The following CXXC4 variants were observed in gnomAD, a reference collection of about 807,000 sequenced individuals.
CXXC4 encodes the protein CXXC finger protein 4.
A neutral mutation model predicts 20.5 loss-of-function variants in CXXC4; 5 were observed. That is an observed-to-expected ratio of 0.24 (90% CI 0.13 to 0.51). CXXC4 has a LOEUF of 0.51. Among genes scored for constraint, CXXC4 ranks in the 20% least tolerant of loss-of-function variants. The pLI is 0.97. For missense variants in CXXC4, 419 were observed against 496.4 expected (o/e 0.84, Z 1.48); for synonymous variants, 250 against 216.4 (o/e 1.16, Z -1.36).
In CXXC4 at chr4:104,471,922, T is replaced by C. The variant is rs1245062914; in HGVS notation, c.*400A>G. On this transcript the variant is annotated 3_prime_UTR_variant, in exon 3 of 3. Transcript: ENST00000394767. The stretch of plus-strand genomic sequence containing the variant: ...TAAACACACAAAATACAAGCTGCTA[T>C]CTGTACAGTTTACAGTACTGAAACA... 6.5e-6 allele frequency: 1 copy of C among 154,910 alleles called. No homozygotes were observed. The highest frequency in any genetic ancestry group is 2.4e-5 in the African/African-American group (1 of 41,552). 9.6% of individuals were successfully genotyped at this position (154,910 alleles called of 1,614,324 possible).
At chr4:104,484,654 G>A (rs542399919) in intron 2 of CXXC4, among the ~76,000 whole-genome samples, 13 of 152,088 alleles carry the variant, frequency 8.5e-5, no homozygotes, top group African/African-American at 3.1e-4. Context: ...TTAAGAGAAA[G>A]CCCAGAAGTT....
chr4:104,476,321 C>T (rs1468740473), intron 2 of CXXC4, among the ~76,000 whole-genome samples: 1 of 152,100 alleles, frequency 6.6e-6, no homozygotes, highest in Admixed American at 6.5e-5. Flanking sequence ...CTTCTCATAC[C>T]TGCGAAGCAG....
At position 104,491,502 on chromosome 4, in the gene CXXC4, TGGCGGC is replaced by T. The variant is rs949353670; in HGVS notation, c.295_300del (p.Ala99_Ala100del). ...CCGCCGCTGCCCCAGAGCATGGCGG[TGGCGGC>T]GGCGGCGGTGGCCGCGTTGTCGCAG... On this transcript the variant is annotated inframe_deletion, in exon 2 of 3. Coordinates refer to ENST00000394767, the MANE Select transcript of CXXC4 (RefSeq NM_025212.4). 28 of 818,280 alleles carry T rather than the reference TGGCGGC, an allele frequency of 3.4e-5. No individual in the cohort carries two copies. Among genetic ancestry groups the T allele is most frequent in the African/African-American group, 3.3e-4 (17 of 50,976 alleles). The allele number at this position is 818,280 out of a possible 1,614,324, so 50.7% of individuals were successfully genotyped here.
At position 104,472,349 on chromosome 4, in the gene CXXC4, G is replaced by A. The variant is rs753440112; in HGVS notation, c.1077C>T (p.Ser359=). 1.7e-5 allele frequency: 27 copies of A among 1,604,104 alleles called. No homozygotes were observed. In the East Asian group the frequency reaches 1.8e-4, roughly 11 times the overall value. Residue 359 remains serine (S), a synonymous_variant, in exon 3 of 3, where the codon AGC becomes AGT. Coordinates refer to ENST00000394767, the MANE Select transcript of CXXC4 (RefSeq NM_025212.4). ...GTSLERTPVP[S]AEAFRWFF ...AAAAGAACCATCGGAATGCTTCAGC[G>A]CTGGGAACAGGTGTTCTCTATAAAA...
chr4:104,486,159 C>T (rs552539927), intron 2 of CXXC4, among the ~76,000 whole-genome samples: 2 of 152,132 alleles, frequency 1.3e-5, no homozygotes, highest in South Asian at 4.1e-4. Context: ...TTAGAATTTA[C>T]ATGATGGTTG....
At chr4:104,485,961 C>A (rs1013948047) in intron 2 of CXXC4, among the ~76,000 whole-genome samples, 1 of 152,012 alleles carries the variant, frequency 6.6e-6, no homozygotes, top group East Asian at 1.9e-4. Flanking sequence ...ACTTTTATTT[C>A]TTTCATCACT....
Position 104,470,337 on chromosome 4 carries a change from T to C in CXXC4, c.*1985A>G, listed in dbSNP as rs1356561856. 1.3e-5 allele frequency: 2 copies of C among 152,036 alleles called. No individual in the cohort carries two copies. The highest frequency in any genetic ancestry group is 2.9e-5 in the Non-Finnish European group (2 of 67,982). The allele number at this position is 152,036 out of a possible 1,614,324, so 9.4% of individuals were successfully genotyped here. A position where few individuals can be genotyped will look rare whatever the true frequency, so the allele number is the denominator to read the frequency against. ...ATCATTTAATTCTCATCTCTAAATA[T>C]GGATGGGTGTAACACATCATGAGTT... On this transcript the variant is annotated 3_prime_UTR_variant, in exon 3 of 3. Transcript: ENST00000394767.
In CXXC4 at chr4:104,471,610, C is replaced by A. The variant is rs976013136; in HGVS notation, c.*712G>T. ...GCATAACCACTACTCTAATATAGTG[C>A]TCAAAAGATTAATTGAAACTTTCAT... On this transcript the variant is annotated 3_prime_UTR_variant, in exon 3 of 3. Coordinates refer to ENST00000394767, the MANE Select transcript of CXXC4 (RefSeq NM_025212.4). 1 of 152,010 alleles carries A rather than the reference C, an allele frequency of 6.6e-6. No homozygotes were observed. Among genetic ancestry groups the A allele is most frequent in the Admixed American group, 6.6e-5 (1 of 15,214 alleles). 9.4% of individuals were successfully genotyped at this position (152,010 alleles called of 1,614,324 possible).
At position 104,486,759 on chromosome 4, in the gene CXXC4, T is replaced by C. The variant is rs78207185; in HGVS notation, c.1059+3985A>G. ...CCTCAGAAATGTATATGTTCAATTA[T>C]TGAATTATTTTATTAACTAAAAGCT... On this transcript the variant is annotated intron_variant, in intron 2 of 2. Transcript: ENST00000394767. Among the ~76,000 whole-genome samples, 56 of 152,294 alleles carry C rather than the reference T, an allele frequency of 3.7e-4. No homozygotes were observed. The East Asian group carries it at 8.5e-3, about 23-fold the overall frequency.
chr4:104,481,515 A>G (rs1736557240), intron 2 of CXXC4, among the ~76,000 whole-genome samples: 1 of 152,020 alleles, frequency 6.6e-6, no homozygotes, highest in Non-Finnish European at 1.5e-5. Flanking sequence ...ACTGGCCAAC[A>G]GACCAAGACC....
chr4:104,479,420 T>A lies in CXXC4; in HGVS notation c.1060-7054A>T, dbSNP rs538263785. On this transcript the variant is annotated intron_variant, in intron 2 of 2. Transcript: ENST00000394767. ...TTATAGTTCTGAGATCTGATAAATA[T>A]TTATTTCTTAATTACATAAAAGTGA... 1.5e-4 allele frequency among the ~76,000 whole-genome samples: 23 copies of A among 152,250 alleles called. No homozygotes were observed. In the South Asian group the frequency reaches 4.1e-3, roughly 27 times the overall value.
At chr4:104,489,549 T>A (rs1459333359) in intron 2 of CXXC4, among the ~76,000 whole-genome samples, 5 of 152,214 alleles carry the variant, frequency 3.3e-5, no homozygotes, top group Non-Finnish European at 7.4e-5. Flanking sequence ...AATATTAAAA[T>A]GTTAAAGCAC....
rs1198630690 is a variant in CXXC4, at chr4:104,471,233, T to G, written c.*1089A>C. ...GGCAGAAGCCCTCAACATATTCAAG[T>G]GTTAAAACTACCCATTTAATATCAT... On this transcript the variant is annotated 3_prime_UTR_variant, in exon 3 of 3. Transcript: ENST00000394767. The G allele has an allele frequency of 6.6e-6, 1 of 152,050 alleles. No homozygotes were observed. Among genetic ancestry groups the G allele is most frequent in the Non-Finnish European group, 1.5e-5 (1 of 67,980 alleles). 9.4% of individuals were successfully genotyped at this position (152,050 alleles called of 1,614,324 possible). A position where few individuals can be genotyped will look rare whatever the true frequency, so the allele number is the denominator to read the frequency against.
At position 104,469,609 on chromosome 4, in the gene CXXC4, T is replaced by G. The variant is rs1301682801; in HGVS notation, c.*2713A>C. 3 of 151,984 alleles carry G rather than the reference T, an allele frequency of 2.0e-5. No individual in the cohort carries two copies. The highest frequency in any genetic ancestry group is 2.9e-5 in the Non-Finnish European group (2 of 67,966). 9.4% of individuals were successfully genotyped at this position (151,984 alleles called of 1,614,324 possible). A position where few individuals can be genotyped will look rare whatever the true frequency, so the allele number is the denominator to read the frequency against. On this transcript the variant is annotated 3_prime_UTR_variant, in exon 3 of 3. Transcript: ENST00000394767. ...GGTTTATAATGATAAGCTTTAGAAG[T>G]TCTCAGTACAGGGACATATGAGGAA...
chr4:104,485,301 T>C (rs552999149), intron 2 of CXXC4, among the ~76,000 whole-genome samples: 1 of 152,222 alleles, frequency 6.6e-6, no homozygotes, highest in South Asian at 2.1e-4. Flanking sequence ...CTCCAATTTG[T>C]ATATTTACAT....
intron 2 of CXXC4, among the ~76,000 whole-genome samples, chr4:104,477,029 G>A (rs1736427147): frequency 6.6e-6 from 1 of 152,086 alleles, no homozygotes; most frequent in African/African-American, 2.4e-5. Flanking sequence ...AGACTCCTCG[G>A]CATCTAAGGC....
Position 104,491,635 on chromosome 4 carries a change from G to T in CXXC4, c.168C>A (p.Ala56=). 6.5e-7 allele frequency: 1 copy of T among 1,542,878 alleles called. No homozygotes were observed. Among genetic ancestry groups the T allele is most frequent in the Non-Finnish European group, 8.7e-7 (1 of 1,143,754 alleles). ...GCGCGATCTTGGCCGCCTGTGGGAA[G>T]GCGCCCCCGTTGGTCTTGTAGAAGG... is the stretch of plus-strand genomic sequence containing the variant. ...ATSFYKTNGG[A]FPQAAKIARI... The change falls in exon 2 of 3, where the codon GCC becomes GCA. Residue 56 remains alanine (A), a synonymous_variant. Transcript: ENST00000394767.
At chr4:104,477,123 C>T (rs1365963566) in intron 2 of CXXC4, among the ~76,000 whole-genome samples, 3 of 152,110 alleles carry the variant, frequency 2.0e-5, no homozygotes, top group African/African-American at 7.2e-5. Context: ...TGAAAATTTG[C>T]AGTAGAAAGT....
chr4:104,478,167 C>T (rs535847305), intron 2 of CXXC4, among the ~76,000 whole-genome samples: 1 of 152,188 alleles, frequency 6.6e-6, no homozygotes, highest in East Asian at 1.9e-4. Context: ...ATTGATTCTC[C>T]CTTGGCTGTT....
Sources: gnomAD v4.1 joint callset for allele counts (sites outside exome capture counted in the v4.1 genomes callset) on GRCh38, gnomAD v4.1.1 for gene constraint, MANE v1.5 for transcripts, NCBI Gene and HGNC (gene_info 2026-07-23, HGNC 2026-07-21) for gene names.